Variants in ZNF500 observed in about 807,000 individuals in gnomAD.
ZNF500 encodes the protein zinc finger protein 500, also known as zinc finger protein with KRAB and SCAN domains 18.
A neutral mutation model predicts 30.1 loss-of-function variants in ZNF500; 31 were observed. The ratio of observed to expected loss-of-function variants is 1.03; its 90% confidence interval spans 0.77 to 1.39. The LOEUF (loss-of-function observed/expected upper bound fraction) is 1.39, where lower values mean the gene tolerates loss of function less well. ZNF500 is among the 40% of genes most tolerant of loss of function. The probability of loss-of-function intolerance (pLI) is 0.00; values close to 1 mark genes in which losing one functional copy is unlikely to be tolerated. For synonymous variants in ZNF500, 392 were observed against 282.0 expected, an observed-to-expected ratio of 1.39 and a Z score of -3.91; for missense variants, 817 against 657.8, an observed-to-expected ratio of 1.24 and a Z score of -2.65.
At chr16:4,763,862 C>T (rs2082234450) in intron 2 of ZNF500, 1 of 985,442 alleles carries the variant, frequency 1.0e-6, no homozygotes, top group Non-Finnish European at 1.2e-6. Flanking sequence ...AGGGGATGTG[C>T]CTCCTCTGTT....
chr16:4,758,827 G>A (rs1424716937), intron 5 of ZNF500, among the ~76,000 whole-genome samples: 2 of 152,146 alleles, frequency 1.3e-5, no homozygotes, highest in Non-Finnish European at 2.9e-5. Context: ...AGAAAAAAAC[G>A]ATCAACTGGA....
rs1403206546 is a variant in ZNF500, at chr16:4,754,630, C to G, written c.761-1572G>C. 2.7e-5 allele frequency among the ~76,000 whole-genome samples: 4 copies of G among 150,026 alleles called. No homozygotes were observed. In the East Asian group the frequency reaches 7.8e-4, roughly 29 times the overall value. On this transcript the variant is annotated intron_variant, in intron 5 of 5. Transcript: ENST00000219478. ...AATGAGCCAAGATCGTGCCACTGCACTCCAGCCTGGGCGACAGAGCGAGAC... is the reference window on the plus strand; with the variant it reads ...AATGAGCCAAGATCGTGCCACTGCAGTCCAGCCTGGGCGACAGAGCGAGAC...
At position 4,765,402 on chromosome 16, in the gene ZNF500, C is replaced by G. The variant is rs145940779; in HGVS notation, c.414+163G>C. Among the ~76,000 whole-genome samples, 897 of 152,276 alleles carry G rather than the reference C, an allele frequency of 5.9e-3. 6 individuals carry two copies. Among genetic ancestry groups the G allele is most frequent in the South Asian group, 0.018 (86 of 4,828 alleles). On this transcript the variant is annotated intron_variant, in intron 2 of 5. Coordinates refer to ENST00000219478, the MANE Select transcript of ZNF500 (RefSeq NM_021646.4). ...GATGAGGTTAATCAAAGGGTGGACA[C>G]CCATTAGCCAAGGCTGAGAAATCTT...
At chr16:4,764,582 C>T (rs2082241857) in intron 2 of ZNF500, among the ~76,000 whole-genome samples, 1 of 151,722 alleles carries the variant, frequency 6.6e-6, no homozygotes, top group East Asian at 1.9e-4. Flanking sequence ...GAGATCCAGA[C>T]CACCCTGGCT....
At chr16:4,763,256 G>C (rs930361770) in intron 2 of ZNF500, 20 of 395,482 alleles carry the variant, frequency 5.1e-5, no homozygotes, top group African/African-American at 4.1e-4. Flanking sequence ...AAATTAGCCA[G>C]GCATGGTGGC....
In ZNF500 at chr16:4,766,002, T is replaced by C. The variant is rs755595755; in HGVS notation, c.-24A>G. ...ATTGCTTCCGGTGGGCCTTGTTCCT[T>C]TTCAGGCCTTAGAGTTGAACCTGTC... On this transcript the variant is annotated 5_prime_UTR_variant, in exon 2 of 6. Transcript: ENST00000219478. 22 of 1,525,328 alleles carry C rather than the reference T, an allele frequency of 1.4e-5. No homozygotes were observed. Among genetic ancestry groups the C allele is most frequent in the Middle Eastern group, 3.5e-4 (2 of 5,646 alleles). 94.5% of individuals were successfully genotyped at this position (1,525,328 alleles called of 1,614,324 possible). A position where few individuals can be genotyped will look rare whatever the true frequency, so the allele number is the denominator to read the frequency against.
At chr16:4,746,414 C>A (rs776331529), downstream of ZNF500, 7 of 1,613,034 alleles carry the variant, frequency 4.3e-6, no homozygotes, top group East Asian at 6.7e-5. Flanking sequence ...CTGGGCCAGG[C>A]CCGCAGCTGG....
downstream of ZNF500, chr16:4,744,887 G>A (rs980152598): frequency 8.1e-6 from 13 of 1,613,286 alleles, no homozygotes; most frequent in Admixed American, 5.0e-5. Context: ...GGTGCCGAGC[G>A]CCCACAACAG....
downstream of ZNF500, chr16:4,747,518 C>T (rs192580420): frequency 1.7e-5 from 27 of 1,613,058 alleles, no homozygotes; most frequent in Middle Eastern, 1.7e-4. Context: ...TGCCAAGGGG[C>T]AGAGCGCCCA....
At chr16:4,764,701 G>A (rs2082243511) in intron 2 of ZNF500, among the ~76,000 whole-genome samples, 1 of 148,726 alleles carries the variant, frequency 6.7e-6, no homozygotes, top group Non-Finnish European at 1.5e-5. Context: ...AGAATGGCGT[G>A]AATCCGGGAG....
rs1024684855 is a variant in ZNF500 at position 4,750,967 on chromosome 16, G to C, written c.*1409C>G. 1 of 152,194 alleles carries C rather than the reference G, an allele frequency of 6.6e-6. No individual in the cohort carries two copies. Among genetic ancestry groups the C allele is most frequent in the Admixed American group, 6.6e-5 (1 of 15,246 alleles). The allele number at this position is 152,194 out of a possible 1,614,324, so 9.4% of individuals were successfully genotyped here. ...TAAATAATGTCAGTTAAGGGAATGA[G>C]AAAAAGGGCAGGTCACGCACCTGGA... On this transcript the variant is annotated 3_prime_UTR_variant, in exon 6 of 6. Transcript: ENST00000219478.
At chr16:4,745,893 G>A (rs2082009298), downstream of ZNF500, among the ~76,000 whole-genome samples, 1 of 149,650 alleles carries the variant, frequency 6.7e-6, no homozygotes, top group African/African-American at 2.5e-5. Flanking sequence ...GGCGGAGGTT[G>A]CAGTGACCAA....
chr16:4,747,027 T>C (rs1423548640), downstream of ZNF500: 2 of 1,526,846 alleles, frequency 1.3e-6, no homozygotes, highest in East Asian at 2.5e-5. Context: ...GGGGCTACGG[T>C]AACCACCCAG....
chr16:4,753,237 G>A (rs2082104043), intron 5 of ZNF500, 179 bp from the exon 6 acceptor site: 5 of 1,262,144 alleles, frequency 4.0e-6, no homozygotes, highest in Non-Finnish European at 5.2e-6. Flanking sequence ...GAAGTGGGAG[G>A]ATTGCTTGAG....
At chr16:4,747,789 G>A (rs563793566), downstream of ZNF500, among the ~76,000 whole-genome samples, 36 of 101,164 alleles carry the variant, frequency 3.6e-4, 1 homozygote, top group African/African-American at 1.0e-3. Flanking sequence ...TTAGAGCTCA[G>A]TCACAGGTGC....
chr16:4,753,388 G>C (rs1405906743), intron 5 of ZNF500, among the ~76,000 whole-genome samples: 1 of 152,208 alleles, frequency 6.6e-6, no homozygotes, highest in East Asian at 1.9e-4. Flanking sequence ...CTTGAGTCTA[G>C]GAGGTCAAGG....
intron 2 of ZNF500, among the ~76,000 whole-genome samples, chr16:4,765,079 T>C (rs915146915): frequency 8.6e-5 from 13 of 152,036 alleles, no homozygotes; most frequent in Non-Finnish European, 1.9e-4. Flanking sequence ...GATGGGAGGA[T>C]CACTTGAGGC....
At chr16:4,747,977 G>A (rs1487236444), downstream of ZNF500, among the ~76,000 whole-genome samples, 1 of 152,072 alleles carries the variant, frequency 6.6e-6, no homozygotes, top group African/African-American at 2.4e-5. Flanking sequence ...TTTTTAAACA[G>A]GCATCTATTA....
chr16:4,765,428 T>C lies in ZNF500; in HGVS notation c.414+137A>G, dbSNP rs2082253260. ...CCATTAGCCAAGGCTGAGAAATCTTTTGCAGTTGCTTTCCTCAAAAGGGCT... is the reference window on the plus strand; with the variant it reads ...CCATTAGCCAAGGCTGAGAAATCTTCTGCAGTTGCTTTCCTCAAAAGGGCT... On this transcript the variant is annotated intron_variant, in intron 2 of 5. Coordinates refer to ENST00000219478, the MANE Select transcript of ZNF500 (RefSeq NM_021646.4). 5 of 1,233,732 alleles carry C rather than the reference T, an allele frequency of 4.1e-6. No homozygotes were observed. The African/African-American group carries it at 4.6e-5, about 11-fold the overall frequency. The allele number at this position is 1,233,732 out of a possible 1,614,324, so 76.4% of individuals were successfully genotyped here.
Sources: allele counts gnomAD v4.1 joint callset (sites outside exome capture counted in the v4.1 genomes callset), GRCh38; gene constraint gnomAD v4.1.1; transcripts MANE v1.5; gene names NCBI Gene and HGNC (gene_info 2026-07-23, HGNC 2026-07-21).